Variants in CD96 observed in about 807,000 individuals in gnomAD.
The protein encoded by CD96 is CD96 molecule, also known as T-cell surface protein tactile.
CD96 carries 70 observed loss-of-function variants against 71.3 expected under a neutral mutation model. The ratio of observed to expected loss-of-function variants is 0.98; its 90% CI spans 0.81 to 1.20. CD96 has a LOEUF of 1.20. Among genes scored for constraint, CD96 ranks in the 50% most tolerant of loss-of-function variants. The pLI, the probability that CD96 is intolerant of heterozygous loss-of-function variation, is 0.00. For missense variants in CD96, 742 were observed against 677.5 expected (o/e 1.10, Z -1.06); for synonymous variants, 248 against 233.0 (o/e 1.06, Z -0.59).
intron 2 of CD96, among the ~76,000 whole-genome samples, chr3:111,558,045 T>G (rs1303389293): frequency 8.8e-5 from 13 of 148,474 alleles, no homozygotes; most frequent in Non-Finnish European, 1.6e-4. Flanking sequence ...GTGATTTTTG[T>G]ACATTGATTC....
intron 10 of CD96, among the ~76,000 whole-genome samples, chr3:111,624,989 G>A (rs1050158731): frequency 6.6e-6 from 1 of 152,240 alleles, no homozygotes; most frequent in Non-Finnish European, 1.5e-5. Flanking sequence ...GATCAGTGTG[G>A]TGGGGAAGTG....
chr3:111,591,645 C>T (rs1032179006), intron 5 of CD96, among the ~76,000 whole-genome samples: 2 of 152,070 alleles, frequency 1.3e-5, no homozygotes, highest in African/African-American at 4.8e-5. Context: ...TCCAAATGTC[C>T]AGCCGTCGTC....
chr3:111,608,101 C>T (rs536971165), intron 8 of CD96, among the ~76,000 whole-genome samples: 3 of 141,748 alleles, frequency 2.1e-5, no homozygotes, highest in East Asian at 4.1e-4. Flanking sequence ...GGTGCAGTCA[C>T]ACCGTTGGCT....
chr3:111,568,212 C>T (rs541548456), intron 3 of CD96, among the ~76,000 whole-genome samples: 2 of 152,118 alleles, frequency 1.3e-5, no homozygotes, highest in South Asian at 4.1e-4. Context: ...AGTTGCATGC[C>T]TTCTCATTAA....
rs957907953 is a variant in CD96, at chr3:111,571,043, A to G, written c.543+3396A>G. On this transcript the variant is annotated intron_variant, in intron 3 of 13. Coordinates refer to ENST00000352690, the MANE Select transcript of CD96 (RefSeq NM_005816.5). ...TTGGGGTCAGCGGCTTGTAGGAGGG[A>G]GGTCCCTCCAGGCTGTGGGGTAGGA... The G allele has an allele frequency of 4.7e-5, 56 of 1,180,814 alleles. No homozygotes were observed. In the African/African-American group the frequency reaches 7.6e-4, roughly 16 times the overall value. The allele number at this position is 1,180,814 out of a possible 1,614,324, so 73.1% of individuals were successfully genotyped here. A position where few individuals can be genotyped will look rare whatever the true frequency, so the allele number is the denominator to read the frequency against.
At chr3:111,569,448 A>C (rs1203081579) in intron 3 of CD96, among the ~76,000 whole-genome samples, 1 of 152,196 alleles carries the variant, frequency 6.6e-6, no homozygotes, top group Non-Finnish European at 1.5e-5. Flanking sequence ...TTCTTAATAA[A>C]CATGATGCAA....
intron 7 of CD96, among the ~76,000 whole-genome samples, chr3:111,602,653 CACTT>C (rs1452914659): frequency 8.5e-5 from 13 of 152,188 alleles, no homozygotes; most frequent in Non-Finnish European, 1.8e-4. Context: ...AGCTCTTAAA[CACTT>C]ACTTCCACAC....
At chr3:111,663,336 G>A (rs1307545104) in intron 14 of CD96, among the ~76,000 whole-genome samples, 1 of 152,166 alleles carries the variant, frequency 6.6e-6, no homozygotes, top group East Asian at 1.9e-4. Flanking sequence ...ACTTGGGTGA[G>A]GACACAAAGC....
intron 7 of CD96, among the ~76,000 whole-genome samples, chr3:111,602,787 G>A (rs1425782984): frequency 6.6e-6 from 1 of 152,164 alleles, no homozygotes; most frequent in Non-Finnish European, 1.5e-5. Context: ...ATACTGAGAT[G>A]AAGACACAGA....
intron 8 of CD96, among the ~76,000 whole-genome samples, chr3:111,610,019 A>G (rs1937829971): frequency 6.6e-6 from 1 of 152,226 alleles, no homozygotes; most frequent in African/African-American, 2.4e-5. Context: ...TTGGTTCAAA[A>G]TGTCAATAGT....
At chr3:111,553,171 GT>G (rs142768577) in intron 2 of CD96, among the ~76,000 whole-genome samples, 14,028 of 141,450 alleles carry the variant, frequency 0.099, 1,809 homozygotes, top group African/African-American at 0.3. Flanking sequence ...GTTATATTTT[GT>G]TTTTTTTTTT....
intron 12 of CD96, among the ~76,000 whole-genome samples, chr3:111,647,064 G>A (rs1281449007): frequency 1.4e-5 from 2 of 142,716 alleles, no homozygotes; most frequent in Non-Finnish European, 3.0e-5. Flanking sequence ...GAGGCCTACT[G>A]AAGGTTGAGA....
chr3:111,608,338 C>T (rs1937730608), intron 8 of CD96, among the ~76,000 whole-genome samples: 1 of 152,202 alleles, frequency 6.6e-6, no homozygotes, highest in Non-Finnish European at 1.5e-5. Flanking sequence ...ATTACTTCTG[C>T]TTTATTTTAT....
chr3:111,626,553 C>G (rs1357358447), intron 10 of CD96, among the ~76,000 whole-genome samples: 2 of 152,186 alleles, frequency 1.3e-5, no homozygotes, highest in Non-Finnish European at 2.9e-5. Flanking sequence ...ATGTGCATAC[C>G]TACAATCCAA....
At chr3:111,600,617 C>A in intron 6 of CD96, 109 bp from the exon 7 acceptor site, 1 of 811,704 alleles carries the variant, frequency 1.2e-6, no homozygotes, top group Non-Finnish European at 2.1e-6. Flanking sequence ...TGCCATTTGA[C>A]CACTTTAGAC....
In CD96 at chr3:111,651,734, T is replaced by C. The variant is rs983915656; in HGVS notation, c.*1928T>C. On this transcript the variant is annotated 3_prime_UTR_variant, in exon 14 of 14. Coordinates refer to ENST00000352690, the MANE Select transcript of CD96 (RefSeq NM_005816.5). ...CGTCTCTACTAAAAATACAAAAAAT[T>C]AGCCGGGTGTGGTGTCGGGCACCTG... is the stretch of plus-strand genomic sequence containing the variant. 4 of 151,870 alleles carry C rather than the reference T, an allele frequency of 2.6e-5. No homozygotes were observed. The highest frequency in any genetic ancestry group is 7.3e-5 in the African/African-American group (3 of 41,286). 9.4% of individuals were successfully genotyped at this position (151,870 alleles called of 1,614,324 possible).
chr3:111,570,700 A>T, intron 3 of CD96: 1 of 1,612,214 alleles, frequency 6.2e-7, no homozygotes, highest in Non-Finnish European at 8.5e-7. Context: ...GGGCTGCTGT[A>T]GGACAGAGCA....
chr3:111,653,811 A>AT (rs1940163688), downstream of CD96, among the ~76,000 whole-genome samples: 1 of 149,458 alleles, frequency 6.7e-6, no homozygotes, highest in Non-Finnish European at 1.5e-5. Context: ...GAGAAGCGAT[A>AT]ATTTTTTTTT....
At chr3:111,575,460 T>G (rs1553701722) in intron 3 of CD96, among the ~76,000 whole-genome samples, 1 of 152,226 alleles carries the variant, frequency 6.6e-6, no homozygotes, top group Non-Finnish European at 1.5e-5. Context: ...TTATATTGTT[T>G]AAGGAACAGT....
Sources: allele counts gnomAD v4.1 joint callset (sites outside exome capture counted in the v4.1 genomes callset), GRCh38; gene constraint gnomAD v4.1.1; transcripts MANE v1.5; gene names NCBI Gene and HGNC (gene_info 2026-07-23, HGNC 2026-07-21).